Variants in FASTKD2 observed in about 807,000 individuals in gnomAD.
FASTKD2 encodes FAST kinase domain-containing protein 2, mitochondrial.
In FASTKD2, 51 loss-of-function variants were observed where a neutral mutation model predicts 63.6. The observed-to-expected ratio is 0.80, with a 90% CI of 0.64 to 1.01. The LOEUF is 1.01. Among genes scored for constraint, FASTKD2 ranks in the 50% least tolerant of loss-of-function variants. The probability of loss-of-function intolerance (pLI) is 0.00; values close to 1 mark genes in which losing one functional copy is unlikely to be tolerated. For missense variants in FASTKD2, 786 were observed against 831.1 expected, an observed-to-expected ratio of 0.95 and a Z score of 0.67; for synonymous variants, 284 against 293.4, an observed-to-expected ratio of 0.97 and a Z score of 0.33.
Position 206,786,943 on chromosome 2 carries a change from T to A in FASTKD2, c.1594+44T>A, listed in dbSNP as rs1394284639. 1.1e-5 allele frequency: 9 copies of A among 820,660 alleles called. 1 individual carries two copies. Among genetic ancestry groups the A allele is most frequent in the African/African-American group, 1.8e-5 (1 of 56,340 alleles). The allele number at this position is 820,660 out of a possible 1,614,324, so 50.8% of individuals were successfully genotyped here. ...ATTGGTCACCAATTGTGACCAATTCTGCACTACCACTAGCTACCATATGAC... is the reference window on the plus strand; with the variant it reads ...ATTGGTCACCAATTGTGACCAATTCAGCACTACCACTAGCTACCATATGAC... On this transcript the variant is annotated intron_variant, in intron 8 of 11. Transcript: ENST00000402774.
intron 7 of FASTKD2, among the ~76,000 whole-genome samples, chr2:206,781,435 C>T (rs1689975087): frequency 6.7e-6 from 1 of 150,066 alleles, no homozygotes; most frequent in Non-Finnish European, 1.5e-5. Flanking sequence ...CCTGTCTCAG[C>T]CTCCCAAGTA....
At chr2:206,786,201 G>A (rs1690133729) in intron 7 of FASTKD2, among the ~76,000 whole-genome samples, 2 of 152,140 alleles carry the variant, frequency 1.3e-5, no homozygotes, top group African/African-American at 2.4e-5. Flanking sequence ...GTCTTCATTT[G>A]TGCTTAACCA....
rs866963347 is a variant in FASTKD2 at position 206,776,192 on chromosome 2, G to T, written c.1427+1795G>T. On this transcript the variant is annotated intron_variant, in intron 7 of 11. Transcript: ENST00000402774. ...AGCAATCCTGACAAGAAAACTTAAA[G>T]CATTAAGTTTTATATAAACTTATAG... Among the ~76,000 whole-genome samples, 51 of 151,296 alleles carry T rather than the reference G, an allele frequency of 3.4e-4. 1 individual carries two copies. Among genetic ancestry groups the T allele is most frequent in the Non-Finnish European group, 7.4e-5 (5 of 67,724 alleles).
chr2:206,787,541 A>G (rs1269334948), intron 8 of FASTKD2, among the ~76,000 whole-genome samples: 7 of 152,242 alleles, frequency 4.6e-5, no homozygotes, highest in East Asian at 1.9e-4. Context: ...GAGTCAGTCA[A>G]TAATACCACG....
rs1186078482 is a variant in FASTKD2 at position 206,766,864 on chromosome 2, C to G, written c.171C>G (p.Asn57Lys). ...GCAAACCAAAAATAGTTCATTCAAA[C>G]TGGAACATTTTAAATAACTTTCATA... is the stretch of plus-strand genomic sequence containing the variant. ...GLCKPKIVHS[N>K]WNILNNFHNR... Residue 57 changes from asparagine to lysine, a missense_variant, in exon 2 of 12, where the codon AAC (asparagine) becomes AAG (lysine). Physicochemically the swap from Asn to Lys is moderately conservative, Grantham distance 94. Coordinates refer to ENST00000402774, the MANE Select transcript of FASTKD2 (RefSeq NM_001136193.2). 2 of 1,604,156 alleles carry G rather than the reference C, an allele frequency of 1.2e-6. No homozygotes were observed. The highest frequency in any genetic ancestry group is 2.7e-5 in the African/African-American group (2 of 74,308).
At chr2:206,781,572 T>C (rs1167780315) in intron 7 of FASTKD2, among the ~76,000 whole-genome samples, 1 of 151,942 alleles carries the variant, frequency 6.6e-6, no homozygotes, top group East Asian at 1.9e-4. Context: ...CACCTTGGCC[T>C]CCCAAAGTGC....
chr2:206,792,449 C>G lies in FASTKD2; in HGVS notation c.*647C>G, dbSNP rs1464885817. 2.0e-5 allele frequency: 3 copies of G among 152,472 alleles called. No individual in the cohort carries two copies. Among genetic ancestry groups the G allele is most frequent in the Admixed American group, 2.0e-4 (3 of 15,338 alleles). 9.4% of individuals were successfully genotyped at this position (152,472 alleles called of 1,614,324 possible). A position where few individuals can be genotyped will look rare whatever the true frequency, so the allele number is the denominator to read the frequency against. On this transcript the variant is annotated 3_prime_UTR_variant, in exon 12 of 12. Transcript: ENST00000402774. ...TTCTCTTTCTTTTTTCCCCCTTACC[C>G]CTCCCACAATTTCATGAAGTCTTTT...
At chr2:206,779,968 T>C (rs1434044782) in intron 7 of FASTKD2, among the ~76,000 whole-genome samples, 2 of 152,218 alleles carry the variant, frequency 1.3e-5, no homozygotes, top group Non-Finnish European at 2.9e-5. Context: ...GTTTTAACAG[T>C]CTATTTTAAG....
intron 7 of FASTKD2, among the ~76,000 whole-genome samples, chr2:206,778,287 A>G (rs1027074294): frequency 2.6e-5 from 4 of 151,580 alleles, no homozygotes; most frequent in Non-Finnish European, 4.4e-5. Context: ...GTTTATTGCT[A>G]TAAGTTTTCT....
At chr2:206,768,701 AAATAAT>A (rs1038478952) in intron 2 of FASTKD2, among the ~76,000 whole-genome samples, 2 of 152,162 alleles carry the variant, frequency 1.3e-5, no homozygotes, top group African/African-American at 4.8e-5. Flanking sequence ...CCCTGTCTGA[AAATAAT>A]AATAATAATT....
At chr2:206,769,994 C>A in intron 2 of FASTKD2, 97 bp from the exon 3 acceptor site, 1 of 779,674 alleles carries the variant, frequency 1.3e-6, no homozygotes, top group Non-Finnish European at 2.3e-6. Flanking sequence ...GATACTCAAT[C>A]GTTTTATTCA....
rs1226624244 is a variant in FASTKD2, at chr2:206,795,372, T to C, written c.*3570T>C. 6.6e-6 allele frequency among the ~76,000 whole-genome samples: 1 copy of C among 152,228 alleles called. No homozygotes were observed. The highest frequency in any genetic ancestry group is 2.4e-5 in the African/African-American group (1 of 41,466). On this transcript the variant is annotated 3_prime_UTR_variant, in exon 12 of 12. Coordinates refer to ENST00000402774, the MANE Select transcript of FASTKD2 (RefSeq NM_001136193.2). ...CCTCAGCCTCCCGAGTAGCTGGGAC[T>C]ACAGGTGCCCACCTCCATGCCCGGC...
intron 7 of FASTKD2, among the ~76,000 whole-genome samples, chr2:206,775,560 A>C (rs78391983): frequency 0.03 from 4,456 of 149,754 alleles, 117 homozygotes; most frequent in African/African-American, 0.067. Context: ...ACTGTGCTGT[A>C]GTTTTTTTGT....
intron 7 of FASTKD2, among the ~76,000 whole-genome samples, chr2:206,777,222 A>T (rs1689846185): frequency 6.6e-6 from 1 of 152,152 alleles, no homozygotes; most frequent in Non-Finnish European, 1.5e-5. Flanking sequence ...GTTGAATAGA[A>T]GTGATGAGAG....
chr2:206,769,505 C>T (rs780922202), intron 2 of FASTKD2, among the ~76,000 whole-genome samples: 4 of 152,122 alleles, frequency 2.6e-5, no homozygotes, highest in African/African-American at 9.7e-5. Context: ...AAACTTAGTA[C>T]CCTAAGTAAA....
chr2:206,780,182 G>A (rs968978695), intron 7 of FASTKD2, among the ~76,000 whole-genome samples: 8 of 151,698 alleles, frequency 5.3e-5, no homozygotes, highest in African/African-American at 1.9e-4. Flanking sequence ...TCCTATATTT[G>A]TTTATGTATT....
At chr2:206,769,823 T>G (rs1162053695) in intron 2 of FASTKD2, among the ~76,000 whole-genome samples, 1 of 152,252 alleles carries the variant, frequency 6.6e-6, no homozygotes, top group Non-Finnish European at 1.5e-5. Flanking sequence ...AGCAGTGGAA[T>G]ATAATAAATA....
At position 206,793,539 on chromosome 2, in the gene FASTKD2, T is replaced by C. The variant is rs923844200; in HGVS notation, c.*1737T>C. 5.3e-5 allele frequency among the ~76,000 whole-genome samples: 8 copies of C among 152,146 alleles called. No homozygotes were observed. Among genetic ancestry groups the C allele is most frequent in the African/African-American group, 1.9e-4 (8 of 41,428 alleles). On this transcript the variant is annotated 3_prime_UTR_variant, in exon 12 of 12. Transcript: ENST00000402774. The stretch of plus-strand genomic sequence containing the variant: ...CTCTAGTTTTGTATACTTGGCCAAG[T>C]GATTTAACCTTATAAGCTTCAGAAC...
chr2:206,777,384 G>A (rs1008145052), intron 7 of FASTKD2, among the ~76,000 whole-genome samples: 11 of 152,174 alleles, frequency 7.2e-5, no homozygotes, highest in South Asian at 2.1e-4. Context: ...TATCATAAAG[G>A]TTGTTGAATT....
Sources: allele counts gnomAD v4.1 joint callset (sites outside exome capture counted in the v4.1 genomes callset), GRCh38; gene constraint gnomAD v4.1.1; transcripts MANE v1.5; gene names NCBI Gene and HGNC (gene_info 2026-07-23, HGNC 2026-07-21).